ATP7B: variants seen among roughly 807,000 people sequenced by gnomAD.
The protein encoded by ATP7B is ATPase copper transporting beta.
In ATP7B, 113 loss-of-function variants were observed where a neutral mutation model predicts 118.9. The observed-to-expected ratio is 0.95, with a 90% CI of 0.82 to 1.11. The LOEUF (loss-of-function observed/expected upper bound fraction) is 1.11, where lower values mean the gene tolerates loss of function less well. ATP7B is among the 50% of genes most tolerant of loss of function. The pLI, the probability that ATP7B is intolerant of heterozygous loss-of-function variation, is 0.00. For synonymous variants in ATP7B, 777 were observed against 727.4 expected, an observed-to-expected ratio of 1.07 and a Z score of -1.10; for missense variants, 1,867 against 1,871.4, an observed-to-expected ratio of 1.00 and a Z score of 0.04.
chr13:51,989,124 T>C (rs939882900), intron 1 of ATP7B, among the ~76,000 whole-genome samples: 1 of 152,124 alleles, frequency 6.6e-6, no homozygotes, highest in Non-Finnish European at 1.5e-5. Context: ...ATCACCTCAT[T>C]TGATCTTCAA....
rs1394999756 is a variant in ATP7B at position 51,958,535 on chromosome 13, C to T, written c.2131G>A (p.Gly711Arg). Residue 711 changes from glycine to arginine, a missense_variant, in exon 8 of 21, where the codon GGG (glycine) becomes AGG (arginine). Transcript: ENST00000242839. ...TAGGCCTGAACGTAGAAGTACCACC[C>T]ACCGAGGAGCTGAAAGACAAGGACA... is the stretch of plus-strand genomic sequence containing the variant. Reference protein sequence around the residue: ...ILCTFVQLLGGWYFYVQAYKS... With the variant: ...ILCTFVQLLGRWYFYVQAYKS... 2.5e-6 allele frequency: 4 copies of T among 1,614,094 alleles called. No individual in the cohort carries two copies. The highest frequency in any genetic ancestry group is 2.5e-6 in the Non-Finnish European group (3 of 1,179,960).
chr13:51,999,454 C>A (rs2140491284), intron 1 of ATP7B, among the ~76,000 whole-genome samples: 1 of 152,304 alleles, frequency 6.6e-6, no homozygotes, highest in East Asian at 1.9e-4. Flanking sequence ...TGAAGGAGTG[C>A]TCTTAAATAA....
intron 4 of ATP7B, chr13:51,967,104 C>A (rs1472041524): frequency 4.1e-5 from 65 of 1,595,112 alleles, no homozygotes; most frequent in Non-Finnish European, 5.1e-5. Context: ...TGGAGTGTGT[C>A]ATGAACAATG....
intron 1 of ATP7B, among the ~76,000 whole-genome samples, chr13:52,010,442 G>A (rs1348751454): frequency 6.6e-6 from 1 of 152,204 alleles, no homozygotes; most frequent in African/African-American, 2.4e-5. Context: ...TTGCAAGAGA[G>A]AGAGAAAAAA....
At chr13:51,949,913 T>A in intron 11 of ATP7B, 94 bp downstream of exon 11, 1 of 1,609,578 alleles carries the variant, frequency 6.2e-7, no homozygotes, top group Non-Finnish European at 8.5e-7. Flanking sequence ...TACTAATCAA[T>A]CTCTACTCAA....
At chr13:51,973,238 G>T (rs952794349) in intron 2 of ATP7B, among the ~76,000 whole-genome samples, 2 of 152,136 alleles carry the variant, frequency 1.3e-5, no homozygotes, top group Admixed American at 6.5e-5. Flanking sequence ...AAAGGGCCTG[G>T]ATGGTCCCAC....
intron 1 of ATP7B, among the ~76,000 whole-genome samples, chr13:51,991,453 G>A (rs1223606623): frequency 1.3e-5 from 2 of 151,972 alleles, no homozygotes; most frequent in Non-Finnish European, 2.9e-5. Flanking sequence ...AAGATCTGCG[G>A]CAACTGCACT....
chr13:51,939,129 G>A lies in ATP7B; in HGVS notation c.3621C>T (p.His1207=). The change falls in exon 17 of 21, where the codon CAC becomes CAT. Residue 1207 remains histidine, a synonymous_variant. Coordinates refer to ENST00000242839, the MANE Select transcript of ATP7B (RefSeq NM_000053.4). ...CGTCCACACCCATGCTCTGCAGCGT[G>A]TGCACAGCCAGGGCAGCCTCCTGCT... The part of the protein sequence containing the change: ...AVKQEAALAV[H]TLQSMGVDVV... 5 of 1,614,200 alleles carry A rather than the reference G, an allele frequency of 3.1e-6. No individual in the cohort carries two copies. The highest frequency in any genetic ancestry group is 1.7e-5 in the Admixed American group (1 of 60,030).
At chr13:51,937,025 A>G (rs998263764) in intron 19 of ATP7B, among the ~76,000 whole-genome samples, 77 of 152,162 alleles carry the variant, frequency 5.1e-4, no homozygotes, top group Non-Finnish European at 1.5e-4. Context: ...TAAAATAGGG[A>G]TCAGAAAATA....
intron 2 of ATP7B, 54 bp from the exon 3 acceptor site, chr13:51,970,803 T>C: frequency 6.3e-7 from 1 of 1,591,468 alleles, no homozygotes; most frequent in Non-Finnish European, 8.6e-7. Context: ...AATATGTTTT[T>C]CAGAACAAGA....
At chr13:51,957,982 G>C (rs957116820) in intron 8 of ATP7B, 5 of 468,570 alleles carry the variant, frequency 1.1e-5, no homozygotes, top group Non-Finnish European at 2.0e-5. Flanking sequence ...GCATGACCTT[G>C]AGGAGGATGT....
upstream of ATP7B, chr13:52,011,457 G>C: frequency 7.8e-7 from 1 of 1,274,430 alleles, no homozygotes; most frequent in South Asian, 1.2e-5. Context: ...TGAGGGCATC[G>C]GCGCGGCTCG....
At chr13:51,983,892 A>T (rs542860262) in intron 1 of ATP7B, among the ~76,000 whole-genome samples, 1 of 152,312 alleles carries the variant, frequency 6.6e-6, no homozygotes, top group Non-Finnish European at 1.5e-5. Context: ...GTCCACTCAG[A>T]AACGCCATCC....
At chr13:52,010,735 A>T (rs1381211762) in intron 1 of ATP7B, among the ~76,000 whole-genome samples, 1 of 152,168 alleles carries the variant, frequency 6.6e-6, no homozygotes, top group Non-Finnish European at 1.5e-5. Context: ...TGCCTGAAAC[A>T]TAGAAAGTTC....
chr13:52,002,097 C>G (rs1241079066), intron 1 of ATP7B, among the ~76,000 whole-genome samples: 1 of 152,168 alleles, frequency 6.6e-6, no homozygotes, highest in African/African-American at 2.4e-5. Context: ...CACACACAGC[C>G]TCTTCACATC....
chr13:51,950,003 T>C lies in ATP7B; in HGVS notation c.2730+4A>G, dbSNP rs562091841. ...GAAGTTAGTTTTAAAAATTTCTTCA[T>C]TACCTTTGACATCTGAGCCTCTTCC... is the stretch of plus-strand genomic sequence containing the variant. On this transcript the variant is annotated splice_donor_region_variant and intron_variant, in intron 11 of 20. Transcript: ENST00000242839. 10 of 1,614,232 alleles carry C rather than the reference T, an allele frequency of 6.2e-6. 1 individual carries two copies. The South Asian group carries it at 8.8e-5, about 14-fold the overall frequency.
Position 51,944,215 on chromosome 13 carries a change from C to T in ATP7B, c.3137G>A (p.Gly1046Glu). 6.2e-7 allele frequency: 1 copy of T among 1,614,160 alleles called. No homozygotes were observed. Among genetic ancestry groups the T allele is most frequent in the Non-Finnish European group, 8.5e-7 (1 of 1,180,044 alleles). The stretch of plus-strand genomic sequence containing the variant: ...CCTGAGGGGCAGTGTGGCCACATCC[C>T]CCAGCAGGAGCACCCGCATGACCCT... ...VPRVMRVLLL[G>E]DVATLPLRKV... The change falls in exon 14 of 21, where the codon GGG becomes GAG. Residue 1046 changes from glycine (G) to glutamate (E), a missense_variant. By Grantham distance (98) the Gly-to-Glu change is moderately conservative. Coordinates refer to ENST00000242839, the MANE Select transcript of ATP7B (RefSeq NM_000053.4).
chr13:51,939,668 T>G (rs984311446), intron 16 of ATP7B, among the ~76,000 whole-genome samples: 1 of 152,076 alleles, frequency 6.6e-6, no homozygotes, highest in Non-Finnish European at 1.5e-5. Flanking sequence ...ATCTTAGCTA[T>G]AGAAGCAGGA....
At position 51,975,548 on chromosome 13, in the gene ATP7B, G is replaced by C. The variant is rs758395037; in HGVS notation, c.52-380C>G. On this transcript the variant is annotated intron_variant, in intron 1 of 20. Coordinates refer to ENST00000242839, the MANE Select transcript of ATP7B (RefSeq NM_000053.4). ...GGGAAGGCACAGGTATCCCAAAAGA[G>C]GTCCCCACCTCTGGCTGATACCTCC... is the stretch of plus-strand genomic sequence containing the variant. The C allele has an allele frequency of 9.6e-6, 5 of 521,698 alleles. No homozygotes were observed. The African/African-American group carries it at 9.6e-5, about 10-fold the overall frequency. 32.3% of individuals were successfully genotyped at this position (521,698 alleles called of 1,614,324 possible).
Sources: allele counts gnomAD v4.1 joint callset (sites outside exome capture counted in the v4.1 genomes callset), GRCh38; gene constraint gnomAD v4.1.1; transcripts MANE v1.5; gene names NCBI Gene and HGNC (gene_info 2026-07-23, HGNC 2026-07-21).